The following C1QTNF1 variants were observed in gnomAD, a reference collection of about 807,000 sequenced individuals.
The protein encoded by C1QTNF1 is C1q and TNF related 1, also known as complement C1q tumor necrosis factor-related protein 1.
In C1QTNF1, 22 loss-of-function variants were observed where a neutral mutation model predicts 27.8. The observed-to-expected ratio is 0.79, with a 90% confidence interval of 0.56 to 1.13. C1QTNF1 has a LOEUF of 1.13. Ranked by LOEUF, C1QTNF1 falls within the 50% of genes most tolerant of loss-of-function variation. C1QTNF1 has a pLI of 0.00. For missense variants in C1QTNF1, 373 were observed against 380.2 expected (o/e 0.98, Z 0.16); for synonymous variants, 166 against 154.3 (o/e 1.08, Z -0.56).
intron 1 of C1QTNF1, among the ~76,000 whole-genome samples, chr17:79,042,961 G>A (rs2072453018): frequency 6.6e-6 from 1 of 152,114 alleles, no homozygotes; most frequent in Admixed American, 6.5e-5. Flanking sequence ...GCATGTTAAT[G>A]TGTGCACGTG....
At chr17:79,033,447 C>T (rs546543769) in intron 1 of C1QTNF1, among the ~76,000 whole-genome samples, 1 of 152,104 alleles carries the variant, frequency 6.6e-6, no homozygotes, top group South Asian at 2.1e-4. Flanking sequence ...GGTGGCTTCA[C>T]GCTGATAATC....
upstream of C1QTNF1, chr17:79,024,067 G>T (rs2071847139): frequency 6.6e-6 from 1 of 152,550 alleles, no homozygotes; most frequent in Non-Finnish European, 1.5e-5. Flanking sequence ...GGAGGCGGCC[G>T]CTGGATTTCC....
intron 1 of C1QTNF1, among the ~76,000 whole-genome samples, chr17:79,030,724 C>T (rs1242726964): frequency 3.3e-5 from 5 of 151,688 alleles, no homozygotes; most frequent in African/African-American, 4.8e-5. Flanking sequence ...CTCAGCCTTC[C>T]GACTAGCTGG....
At position 79,047,544 on chromosome 17, in the gene C1QTNF1, A is replaced by G; in HGVS notation, c.302A>G (p.Lys101Arg). 1 of 1,524,696 alleles carries G rather than the reference A, an allele frequency of 6.6e-7. No individual in the cohort carries two copies. Among genetic ancestry groups the G allele is most frequent in the South Asian group, 1.3e-5 (1 of 75,978 alleles). The allele number at this position is 1,524,696 out of a possible 1,614,324, so 94.4% of individuals were successfully genotyped here. The change falls in exon 4 of 4, where the codon AAG (lysine) becomes AGG (arginine). Residue 101 changes from lysine (K) to arginine (R), a missense_variant. Coordinates refer to ENST00000579760, the MANE Select transcript of C1QTNF1 (RefSeq NM_030968.5). ...QINITILKGE[K>R]GDRGDRGLQG... is the part of the protein sequence containing the mutation. ...GTTTTCCCATCCCTTTTAGGGGAGA[A>G]GGGTGACCGCGGAGATCGAGGCCTC...
Position 79,043,669 on chromosome 17 carries a change from G to C in C1QTNF1, c.-14-286G>C, listed in dbSNP as rs1329064975. On this transcript the variant is annotated intron_variant, in intron 1 of 3. Transcript: ENST00000579760. ...GTATGTGACTGTGTGTGCATGTGTGGATTGCATGTGTGTTGAGTGTGTGCA... is the reference window on the plus strand; with the variant it reads ...GTATGTGACTGTGTGTGCATGTGTGCATTGCATGTGTGTTGAGTGTGTGCA... 1.6e-5 allele frequency: 9 copies of C among 550,214 alleles called. No homozygotes were observed. In the East Asian group the frequency reaches 4.0e-4, roughly 24 times the overall value. The allele number at this position is 550,214 out of a possible 1,614,324, so 34.1% of individuals were successfully genotyped here. A position where few individuals can be genotyped will look rare whatever the true frequency, so the allele number is the denominator to read the frequency against.
At chr17:79,029,234 G>C (rs1031565233) in intron 1 of C1QTNF1, among the ~76,000 whole-genome samples, 64 of 152,304 alleles carry the variant, frequency 4.2e-4, no homozygotes, top group African/African-American at 1.5e-3. Flanking sequence ...GGGCGGGAAC[G>C]GTCGCTGCAC....
In C1QTNF1 at chr17:79,043,278, G is replaced by C. The variant is rs568930141; in HGVS notation, c.-14-677G>C. On this transcript the variant is annotated intron_variant, in intron 1 of 3. Coordinates refer to ENST00000579760, the MANE Select transcript of C1QTNF1 (RefSeq NM_030968.5). ...ATGCATGTGTGTGCATGTGTGTTGA[G>C]AGTGTGCATGTGATTTGGGTATGTG... The C allele has an allele frequency of 5.3e-4, 240 of 450,416 alleles. 13 individuals are homozygous for C. Among genetic ancestry groups the C allele is most frequent in the South Asian group, 3.7e-3 (238 of 64,436 alleles). The allele number at this position is 450,416 out of a possible 1,614,324, so 27.9% of individuals were successfully genotyped here. A position where few individuals can be genotyped will look rare whatever the true frequency, so the allele number is the denominator to read the frequency against.
At position 79,024,232 on chromosome 17, in the gene C1QTNF1, C is replaced by G. The variant is rs1411832050; in HGVS notation, c.-277C>G. The G allele has an allele frequency of 6.6e-6, 1 of 152,324 alleles. No homozygotes were observed. The highest frequency in any genetic ancestry group is 6.5e-5 in the Admixed American group (1 of 15,292). The allele number at this position is 152,324 out of a possible 1,614,324, so 9.4% of individuals were successfully genotyped here. Reference sequence around the variant, plus strand: ...CTTTCTCCCTCTCTTCCTTTACTTTCGAGAAACCGCGCTTCCGCTTCTGGT... The same window carrying G: ...CTTTCTCCCTCTCTTCCTTTACTTTGGAGAAACCGCGCTTCCGCTTCTGGT... On this transcript the variant is annotated 5_prime_UTR_variant, in exon 1 of 4. Coordinates refer to ENST00000579760, the MANE Select transcript of C1QTNF1 (RefSeq NM_030968.5).
intron 1 of C1QTNF1, among the ~76,000 whole-genome samples, chr17:79,030,495 TTCTTTC>T (rs1568061098): frequency 9.6e-6 from 1 of 104,650 alleles, no homozygotes; most frequent in Non-Finnish European, 2.0e-5. Context: ...TTTTCTTTCT[TTCTTTC>T]TTTCTTTCTT....
chr17:79,033,096 CGCAGA>C (rs1395436284), intron 1 of C1QTNF1, among the ~76,000 whole-genome samples: 3 of 149,508 alleles, frequency 2.0e-5, no homozygotes, highest in Non-Finnish European at 3.0e-5. Context: ...AAAGTCTTAG[CGCAGA>C]GCAAAGAGGA....
chr17:79,031,894 G>A (rs2072148402), intron 1 of C1QTNF1, among the ~76,000 whole-genome samples: 1 of 152,234 alleles, frequency 6.6e-6, no homozygotes, highest in Admixed American at 6.5e-5. Context: ...GCCACACCAG[G>A]AGTCAGCACT....
intron 1 of C1QTNF1, among the ~76,000 whole-genome samples, chr17:79,026,207 A>T (rs1480994075): frequency 6.6e-6 from 1 of 151,584 alleles, no homozygotes; most frequent in Non-Finnish European, 1.5e-5. Flanking sequence ...TCCAGGCTGG[A>T]GTGCAAGGCC....
At chr17:79,043,239 A>AGTGTGGATTGCATG (rs2072466676) in intron 1 of C1QTNF1, 1 of 450,918 alleles carries the variant, frequency 2.2e-6, no homozygotes, top group African/African-American at 2.1e-5. Flanking sequence ...TGTGCATGTG[A>AGTGTGGATTGCATG]TATGGGTATA....
intron 1 of C1QTNF1, among the ~76,000 whole-genome samples, chr17:79,031,008 C>CTTTTTT (rs11335486): frequency 1.4e-5 from 2 of 137,964 alleles, no homozygotes; most frequent in South Asian, 2.3e-4. Flanking sequence ...CTTTTCTTTT[C>CTTTTTT]TTTTTTTTTT....
At chr17:79,041,477 T>A (rs958492942) in intron 1 of C1QTNF1, among the ~76,000 whole-genome samples, 2 of 152,178 alleles carry the variant, frequency 1.3e-5, no homozygotes, top group Non-Finnish European at 1.5e-5. Flanking sequence ...CCTTCAGACT[T>A]CACTCAAGAG....
intron 1 of C1QTNF1, among the ~76,000 whole-genome samples, chr17:79,032,297 A>C (rs1157794065): frequency 6.6e-6 from 1 of 152,218 alleles, no homozygotes; most frequent in African/African-American, 2.4e-5. Flanking sequence ...GCATCCAGAC[A>C]GAGGAAAGAG....
intron 1 of C1QTNF1, among the ~76,000 whole-genome samples, chr17:79,031,175 T>G (rs539233783): frequency 6.6e-6 from 1 of 150,906 alleles, no homozygotes; most frequent in African/African-American, 2.4e-5. Context: ...CCGGCTAATT[T>G]TTTGTATTTT....
chr17:79,035,909 G>A (rs1050443966), intron 1 of C1QTNF1, among the ~76,000 whole-genome samples: 1 of 152,208 alleles, frequency 6.6e-6, no homozygotes, highest in Non-Finnish European at 1.5e-5. Context: ...AGCCCCTGGA[G>A]GGCATCTGAT....
At chr17:79,043,226 CTGTG>C (rs1491250263) in intron 1 of C1QTNF1, 1 of 441,856 alleles carries the variant, frequency 2.3e-6, no homozygotes, top group Non-Finnish European at 4.4e-6. Context: ...GTGTGTGAAT[CTGTG>C]TGCATGTGAT....
Sources: allele counts gnomAD v4.1 joint callset (sites outside exome capture counted in the v4.1 genomes callset), GRCh38; gene constraint gnomAD v4.1.1; transcripts MANE v1.5; gene names NCBI Gene and HGNC (gene_info 2026-07-23, HGNC 2026-07-21).